The following KIAA0319L variants were observed in gnomAD, a reference collection of about 807,000 sequenced individuals.
The protein encoded by KIAA0319L is dyslexia-associated protein KIAA0319-like protein.
In KIAA0319L, 55 loss-of-function variants were observed where a neutral mutation model predicts 120.1. That is an observed-to-expected ratio of 0.46 (90% CI 0.37 to 0.57). The LOEUF (loss-of-function observed/expected upper bound fraction) is 0.57. KIAA0319L is among the 20% of genes least tolerant of loss of function. The pLI, the probability that KIAA0319L is intolerant of heterozygous loss-of-function variation, is 0.00. For synonymous variants in KIAA0319L, 398 were observed against 471.9 expected (o/e 0.84, Z 2.03); for missense variants, 1,049 against 1,255.3 (o/e 0.84, Z 2.48).
intron 20 of KIAA0319L, chr1:35,438,517 T>C (rs1482687656): frequency 8.8e-6 from 1 of 113,290 alleles, no homozygotes; most frequent in Non-Finnish European, 1.7e-5. Context: ...ACAGTTATCT[T>C]TTTTTTTTTT....
chr1:35,450,229 C>A, intron 14 of KIAA0319L, 129 bp downstream of exon 14: 1 of 1,115,690 alleles, frequency 9.0e-7, no homozygotes, highest in Non-Finnish European at 1.3e-6. Flanking sequence ...CAAGTCACTT[C>A]ACCTCCCTGG....
intron 2 of KIAA0319L, among the ~76,000 whole-genome samples, chr1:35,551,751 C>T (rs952305454): frequency 1.3e-5 from 2 of 152,138 alleles, no homozygotes; most frequent in Non-Finnish European, 2.9e-5. Context: ...ATACATGGCT[C>T]TTGATCTTTT....
Position 35,466,656 on chromosome 1 carries a change from C to T in KIAA0319L, c.1153G>A (p.Gly385Ser). 1.2e-6 allele frequency: 2 copies of T among 1,613,676 alleles called. No individual in the cohort carries two copies. Among genetic ancestry groups the T allele is most frequent in the Non-Finnish European group, 1.7e-6 (2 of 1,179,702 alleles). Residue 385 changes from glycine to serine, a missense_variant, in exon 7 of 21, where the codon GGT (glycine) becomes AGT (serine). By Grantham distance (56) the Gly-to-Ser change is moderately conservative. Coordinates refer to ENST00000325722, the MANE Select transcript of KIAA0319L (RefSeq NM_024874.5). The part of the protein sequence containing the change: ...GLYEFKVIVE[G>S]QNAHGEGYVN... ...TAGCCTTCCCCATGGGCATTTTGAC[C>T]CTCTACAATCACTTTGAATTCATAC...
At chr1:35,529,505 G>A (rs1558607525) in intron 2 of KIAA0319L, among the ~76,000 whole-genome samples, 2 of 152,166 alleles carry the variant, frequency 1.3e-5, no homozygotes, top group Non-Finnish European at 1.5e-5. Context: ...TAGTGGTTAT[G>A]AATTATCTGT....
chr1:35,511,687 T>C (rs1570898487), intron 2 of KIAA0319L, among the ~76,000 whole-genome samples: 1 of 152,228 alleles, frequency 6.6e-6, no homozygotes, highest in East Asian at 1.9e-4. Context: ...ATTTAATAAG[T>C]GCACCGCTAT....
intron 2 of KIAA0319L, among the ~76,000 whole-genome samples, chr1:35,512,099 G>A (rs866555825): frequency 6.0e-5 from 9 of 150,830 alleles, no homozygotes; most frequent in Admixed American, 1.3e-4. Context: ...GCAAAACCCC[G>A]TCACTACTAA....
intron 10 of KIAA0319L, among the ~76,000 whole-genome samples, chr1:35,455,573 A>ATTTT (rs551358599): frequency 3.9e-4 from 36 of 93,460 alleles, no homozygotes; most frequent in East Asian, 6.5e-4. Context: ...ATTTAAGATA[A>ATTTT]TTTTTTTTTT....
chr1:35,440,866 A>G, intron 20 of KIAA0319L, 181 bp downstream of exon 20: 1 of 635,136 alleles, frequency 1.6e-6, no homozygotes, highest in South Asian at 1.9e-5. Flanking sequence ...TGGGTCCTGG[A>G]GGCATTTTGT....
intron 2 of KIAA0319L, among the ~76,000 whole-genome samples, chr1:35,544,065 A>T (rs1437519005): frequency 2.0e-5 from 3 of 152,074 alleles, no homozygotes; most frequent in Non-Finnish European, 4.4e-5. Context: ...GTGGGACAAA[A>T]CATAAAAATC....
chr1:35,482,189 C>T (rs1391451594), intron 3 of KIAA0319L, among the ~76,000 whole-genome samples: 2 of 151,858 alleles, frequency 1.3e-5, no homozygotes, highest in Admixed American at 1.3e-4. Context: ...AAGTAAGTAC[C>T]CTTTTTTTTG....
intron 2 of KIAA0319L, among the ~76,000 whole-genome samples, chr1:35,544,045 G>C (rs1020035039): frequency 3.3e-5 from 5 of 152,116 alleles, no homozygotes; most frequent in African/African-American, 1.2e-4. Flanking sequence ...AGACCGGCTA[G>C]AGCATGGAAG....
At chr1:35,523,279 C>CACTACACT (rs1645998932) in intron 2 of KIAA0319L, among the ~76,000 whole-genome samples, 1 of 152,168 alleles carries the variant, frequency 6.6e-6, no homozygotes, top group Non-Finnish European at 1.5e-5. Context: ...CTTTGCCCCT[C>CACTACACT]ACTACACTGT....
chr1:35,487,972 T>G (rs1644452002), intron 3 of KIAA0319L, among the ~76,000 whole-genome samples: 1 of 152,198 alleles, frequency 6.6e-6, no homozygotes, highest in African/African-American at 2.4e-5. Context: ...GTTTTCTCAC[T>G]TTCAAGCCCT....
chr1:35,435,510 C>T (rs1640718621), intron 20 of KIAA0319L: 1 of 168,454 alleles, frequency 5.9e-6, no homozygotes, highest in Admixed American at 6.1e-5. Context: ...AGCAAGGCCG[C>T]TGAGTGCTGG....
chr1:35,479,880 G>A lies in KIAA0319L; in HGVS notation c.667-668C>T, dbSNP rs561174266. Among the ~76,000 whole-genome samples the A allele has an allele frequency of 1.0e-3, 142 of 138,586 alleles. 1 individual carries two copies. Among genetic ancestry groups the A allele is most frequent in the Non-Finnish European group, 1.7e-3 (110 of 64,892 alleles). 90.9% of individuals were successfully genotyped at this position (138,586 alleles called of 152,430 possible). ...ATCATGCCACTGTACTCTAGCTTGGGTGACAGAATGAGACCTTGTCTCAAA... is the reference window on the plus strand; with the variant it reads ...ATCATGCCACTGTACTCTAGCTTGGATGACAGAATGAGACCTTGTCTCAAA... On this transcript the variant is annotated intron_variant, in intron 3 of 20. Coordinates refer to ENST00000325722, the MANE Select transcript of KIAA0319L (RefSeq NM_024874.5).
chr1:35,522,280 G>A (rs181217984), intron 2 of KIAA0319L, among the ~76,000 whole-genome samples: 1 of 151,234 alleles, frequency 6.6e-6, no homozygotes, highest in South Asian at 2.1e-4. Context: ...TTATTTGTTT[G>A]TTTATTTATT....
chr1:35,538,159 T>C lies in KIAA0319L; in HGVS notation c.142+16191A>G, dbSNP rs16866288. ...CTCTGCCTCCATAGTGTGACCTCTC[T>C]AATGGCAGGAACTTGGTTTTATTTA... is the stretch of plus-strand genomic sequence containing the variant. On this transcript the variant is annotated intron_variant, in intron 2 of 20. Coordinates refer to ENST00000325722, the MANE Select transcript of KIAA0319L (RefSeq NM_024874.5). 9.5e-3 allele frequency among the ~76,000 whole-genome samples: 1,452 copies of C among 152,304 alleles called. 31 individuals are homozygous for C. The highest frequency in any genetic ancestry group is 0.033 in the African/African-American group (1,381 of 41,546).
In KIAA0319L at chr1:35,553,141, G is replaced by A. The variant is rs539698872; in HGVS notation, c.142+1209C>T. 2.0e-5 allele frequency among the ~76,000 whole-genome samples: 3 copies of A among 151,734 alleles called. No homozygotes were observed. The East Asian group carries it at 5.8e-4, about 30-fold the overall frequency. On this transcript the variant is annotated intron_variant, in intron 2 of 20. Transcript: ENST00000325722. Reference sequence around the variant, plus strand: ...CTCATGCCTGGAGGCTGAAGCAAGAGGACAGCTTGAGCCCAGGAGTTTGAG... The same window carrying A: ...CTCATGCCTGGAGGCTGAAGCAAGAAGACAGCTTGAGCCCAGGAGTTTGAG...
chr1:35,528,371 T>C (rs1396687082), intron 2 of KIAA0319L, among the ~76,000 whole-genome samples: 2 of 152,240 alleles, frequency 1.3e-5, no homozygotes, highest in Non-Finnish European at 2.9e-5. Context: ...ATCTCTTCTT[T>C]TTTCATTGAT....
Sources: allele counts gnomAD v4.1 joint callset (sites outside exome capture counted in the v4.1 genomes callset), GRCh38; gene constraint gnomAD v4.1.1; transcripts MANE v1.5; gene names NCBI Gene and HGNC (gene_info 2026-07-23, HGNC 2026-07-21).